GRIK2: variants seen among roughly 807,000 people sequenced by gnomAD.
The protein encoded by GRIK2 is glutamate ionotropic receptor kainate type subunit 2.
A neutral mutation model predicts 100.3 loss-of-function variants in GRIK2; 32 were observed. The ratio of observed to expected loss-of-function variants is 0.32; its 90% CI spans 0.24 to 0.43. The LOEUF is 0.43. Ranked by LOEUF, GRIK2 falls within the 20% of genes least tolerant of loss-of-function variation. The probability of loss-of-function intolerance (pLI) is 1.00; values close to 1 mark genes in which losing one functional copy is unlikely to be tolerated. For synonymous variants in GRIK2, 417 were observed against 389.4 expected (o/e 1.07, Z -0.83); for missense variants, 843 against 1,114.9 (o/e 0.76, Z 3.47).
At chr6:101,763,841 G>GTT (rs200924339) in intron 7 of GRIK2, among the ~76,000 whole-genome samples, 2 of 146,248 alleles carry the variant, frequency 1.4e-5, no homozygotes, top group Admixed American at 6.8e-5. Context: ...TTGTTTTTTT[G>GTT]TTTTTTTTTC....
chr6:101,592,106 C>G (rs1262030727), intron 2 of GRIK2, among the ~76,000 whole-genome samples: 1 of 152,006 alleles, frequency 6.6e-6, no homozygotes, highest in East Asian at 1.9e-4. Context: ...TTGCAAGCTT[C>G]CTAATGCCCT....
At chr6:101,786,135 A>G (rs1304228643) in intron 7 of GRIK2, among the ~76,000 whole-genome samples, 1 of 152,080 alleles carries the variant, frequency 6.6e-6, no homozygotes, top group African/African-American at 2.4e-5. Context: ...GTATAAAAAC[A>G]TGGCTGATTT....
intron 12 of GRIK2, among the ~76,000 whole-genome samples, chr6:101,906,999 AT>A (rs1340972467): frequency 6.6e-6 from 1 of 151,730 alleles, no homozygotes; most frequent in African/African-American, 2.4e-5. Flanking sequence ...AATCATAAAG[AT>A]TTTGCTAACA....
intron 14 of GRIK2, among the ~76,000 whole-genome samples, chr6:101,986,397 A>G (rs1019669279): frequency 1.3e-5 from 2 of 151,856 alleles, no homozygotes; most frequent in Non-Finnish European, 2.9e-5. Context: ...TTAATGTGGT[A>G]GTGTGATTTT....
At chr6:101,838,762 G>A (rs924755520) in intron 10 of GRIK2, among the ~76,000 whole-genome samples, 9 of 150,286 alleles carry the variant, frequency 6.0e-5, no homozygotes, top group Admixed American at 4.7e-4. Context: ...AGCAATTCTC[G>A]TGCCTCAGCC....
At chr6:101,956,538 C>T (rs1791948353) in intron 14 of GRIK2, among the ~76,000 whole-genome samples, 1 of 151,944 alleles carries the variant, frequency 6.6e-6, no homozygotes, top group Admixed American at 6.6e-5. Flanking sequence ...CCTTCCCAAC[C>T]TCCTACCTTT....
chr6:101,695,264 T>A (rs1173893435), intron 7 of GRIK2, among the ~76,000 whole-genome samples: 1 of 152,030 alleles, frequency 6.6e-6, no homozygotes, highest in African/African-American at 2.4e-5. Context: ...TGTCCTCACA[T>A]GGTGGGAGAA....
At chr6:101,464,058 A>G (rs1259928398) in intron 2 of GRIK2, among the ~76,000 whole-genome samples, 1 of 152,152 alleles carries the variant, frequency 6.6e-6, no homozygotes, top group Admixed American at 6.5e-5. Context: ...TCCTCGAATT[A>G]CTTGATTACA....
intron 9 of GRIK2, among the ~76,000 whole-genome samples, chr6:101,816,689 C>T (rs1781649952): frequency 6.6e-6 from 1 of 151,876 alleles, no homozygotes. Flanking sequence ...GACTCCATCT[C>T]AAAAATAGAT....
chr6:102,017,119 G>C (rs13199079), intron 14 of GRIK2, among the ~76,000 whole-genome samples: 1 of 151,884 alleles, frequency 6.6e-6, no homozygotes, highest in Non-Finnish European at 1.5e-5. Context: ...AAGAGTTCCC[G>C]AAAGAAGCAC....
intron 14 of GRIK2, among the ~76,000 whole-genome samples, chr6:101,940,572 G>A (rs1790897241): frequency 6.6e-6 from 1 of 151,912 alleles, no homozygotes. Context: ...CCTAATCTCA[G>A]GCCTAATGTG....
At chr6:101,835,464 CTTTTTTTTTTTTT>C (rs764148146) in intron 10 of GRIK2, among the ~76,000 whole-genome samples, 2 of 89,020 alleles carry the variant, frequency 2.2e-5, no homozygotes, top group African/African-American at 4.9e-5. Context: ...CTATGAGTTC[CTTTTTTTTTTTTT>C]TTTTTTTTTT....
chr6:101,752,187 T>C (rs1468703989), intron 7 of GRIK2, among the ~76,000 whole-genome samples: 2 of 152,222 alleles, frequency 1.3e-5, no homozygotes, highest in Non-Finnish European at 2.9e-5. Context: ...TTTATTGTGC[T>C]TCAATTCTTT....
At chr6:101,571,041 T>C (rs895592719) in intron 2 of GRIK2, among the ~76,000 whole-genome samples, 23 of 137,706 alleles carry the variant, frequency 1.7e-4, no homozygotes, top group Non-Finnish European at 3.4e-4. Flanking sequence ...TGATTAAATA[T>C]TCTAGGCTGC....
chr6:101,656,557 G>A (rs1002242165), intron 4 of GRIK2, among the ~76,000 whole-genome samples: 1 of 152,112 alleles, frequency 6.6e-6, no homozygotes, highest in African/African-American at 2.4e-5. Context: ...AGTAGCCATT[G>A]TCATTGTTAA....
chr6:101,669,530 T>TA (rs1391434524), intron 4 of GRIK2, among the ~76,000 whole-genome samples: 7 of 152,114 alleles, frequency 4.6e-5, no homozygotes, highest in Non-Finnish European at 7.4e-5. Context: ...ATATGTCTGA[T>TA]TAGGGTAATC....
intron 2 of GRIK2, among the ~76,000 whole-genome samples, chr6:101,408,143 G>T (rs996183450): frequency 6.6e-6 from 1 of 152,104 alleles, no homozygotes; most frequent in Non-Finnish European, 1.5e-5. Context: ...AATAGAGGAT[G>T]GGCTTGACAT....
intron 2 of GRIK2, among the ~76,000 whole-genome samples, chr6:101,522,462 G>T (rs1353948128): frequency 6.6e-6 from 1 of 152,138 alleles, no homozygotes. Context: ...ATGAACTGCT[G>T]TCATTAATGT....
chr6:102,055,789 AT>A (rs1276813570), intron 16 of GRIK2, among the ~76,000 whole-genome samples: 2 of 152,044 alleles, frequency 1.3e-5, no homozygotes, highest in Non-Finnish European at 2.9e-5. Context: ...TTTTTATTTA[AT>A]TTTAATATGT....
Sources: allele counts gnomAD v4.1 joint callset (sites outside exome capture counted in the v4.1 genomes callset), GRCh38; gene constraint gnomAD v4.1.1; transcripts MANE v1.5; gene names NCBI Gene and HGNC (gene_info 2026-07-23, HGNC 2026-07-21).